OSCP1: variants seen among roughly 807,000 people sequenced by gnomAD.
The protein encoded by OSCP1 is protein OSCP1.
In OSCP1, 35 loss-of-function variants were observed where a neutral mutation model predicts 45.1. The ratio of observed to expected loss-of-function variants is 0.78; its 90% CI spans 0.59 to 1.03. The LOEUF (loss-of-function observed/expected upper bound fraction) is 1.03. OSCP1 is among the 50% of genes least tolerant of loss of function. The pLI, the probability that OSCP1 is intolerant of heterozygous loss-of-function variation, is 0.00. For synonymous variants in OSCP1, 179 were observed against 180.1 expected (o/e 0.99, Z 0.05); for missense variants, 400 against 470.7 (o/e 0.85, Z 1.39).
intron 2 of OSCP1, 101 bp downstream of exon 2, chr1:36,438,655 A>G (rs1018399090): frequency 5.8e-6 from 8 of 1,384,426 alleles, no homozygotes; most frequent in Non-Finnish European, 7.7e-6. Flanking sequence ...TGTTTCTTGC[A>G]AGGACCATTG....
At chr1:36,426,775 G>A (rs980803902) in intron 4 of OSCP1, among the ~76,000 whole-genome samples, 4 of 152,052 alleles carry the variant, frequency 2.6e-5, no homozygotes, top group African/African-American at 4.8e-5. Context: ...GTGCGATCTC[G>A]GCTCACTGCA....
chr1:36,419,087 A>C lies in OSCP1; in HGVS notation c.960-33T>G, dbSNP rs373663686. 4 of 1,571,454 alleles carry C rather than the reference A, an allele frequency of 2.5e-6. No homozygotes were observed. In the African/African-American group the frequency reaches 5.4e-5, roughly 21 times the overall value. On this transcript the variant is annotated intron_variant, in intron 8 of 9. Coordinates refer to ENST00000235532, the MANE Select transcript of OSCP1 (RefSeq NM_145047.5). ...AGATGGTAAAGAAAATGGGTGCAAC[A>C]TTAGGGTTCTTTCCCTGCCAGCATG... is the stretch of plus-strand genomic sequence containing the variant.
chr1:36,439,258 C>G (rs1378104521), intron 1 of OSCP1, among the ~76,000 whole-genome samples: 1 of 152,196 alleles, frequency 6.6e-6, no homozygotes, highest in Non-Finnish European at 1.5e-5. Context: ...TGGTGGCTCA[C>G]GCCTATAATC....
At chr1:36,432,368 AG>A in intron 3 of OSCP1, 53 bp downstream of exon 3, 1 of 1,581,770 alleles carries the variant, frequency 6.3e-7, no homozygotes, top group African/African-American at 1.3e-5. Flanking sequence ...TTCTTAACAG[AG>A]GGATGAGAAA....
At chr1:36,427,000 C>T (rs930530547) in intron 4 of OSCP1, among the ~76,000 whole-genome samples, 12 of 149,068 alleles carry the variant, frequency 8.1e-5, no homozygotes, top group African/African-American at 2.7e-4. Context: ...GCCATGGTGC[C>T]TGGCCTCTTT....
At chr1:36,431,229 A>C (rs1377027933) in intron 4 of OSCP1, among the ~76,000 whole-genome samples, 1 of 152,182 alleles carries the variant, frequency 6.6e-6, no homozygotes, top group Non-Finnish European at 1.5e-5. Flanking sequence ...GGTTAGACTC[A>C]GGAGTCACAG....
rs146736928 is a variant in OSCP1, at chr1:36,445,674, C to T, written c.112+4584G>A. 8.6e-3 allele frequency among the ~76,000 whole-genome samples: 1,314 copies of T among 152,318 alleles called. 10 individuals are homozygous for T. Among genetic ancestry groups the T allele is most frequent in the Middle Eastern group, 0.02 (6 of 294 alleles). ...GTTTGGCAGATACTGTTTTCTTTGG[C>T]ACAATGTCCACATCTATCTTTCTGT... On this transcript the variant is annotated intron_variant, in intron 1 of 9. Transcript: ENST00000235532.
chr1:36,437,590 C>T (rs1648832127), intron 2 of OSCP1, among the ~76,000 whole-genome samples: 1 of 152,164 alleles, frequency 6.6e-6, no homozygotes, highest in Non-Finnish European at 1.5e-5. Context: ...GTGATCTCAT[C>T]TCACTGCAAC....
rs762227343 is a variant in OSCP1 at position 36,421,225 on chromosome 1, TTCC to T, written c.820-613_820-611del. 3.9e-5 allele frequency among the ~76,000 whole-genome samples: 6 copies of T among 152,094 alleles called. No homozygotes were observed. The East Asian group carries it at 1.2e-3, about 29-fold the overall frequency. On this transcript the variant is annotated intron_variant, in intron 7 of 9. Transcript: ENST00000235532. ...ACAAAGCCCAAATTGTTTACCACCC[TTCC>T]TGGTCAGGCCCCAGGGTCCTGTCCA...
chr1:36,422,722 G>A (rs774546848), intron 6 of OSCP1, 46 bp downstream of exon 6: 1 of 1,402,408 alleles, frequency 7.1e-7, no homozygotes, highest in South Asian at 1.6e-5. Flanking sequence ...TTTAAATGAA[G>A]TGACCTCCCT....
At chr1:36,440,313 G>T (rs535433411) in intron 1 of OSCP1, among the ~76,000 whole-genome samples, 32 of 152,304 alleles carry the variant, frequency 2.1e-4, no homozygotes, top group African/African-American at 7.0e-4. Context: ...ATGGGGGAAG[G>T]GGGAGCTGAG....
At chr1:36,423,511 A>G in intron 4 of OSCP1, 45 bp from the exon 5 acceptor site, 1 of 1,434,356 alleles carries the variant, frequency 7.0e-7, no homozygotes, top group Non-Finnish European at 9.7e-7. Flanking sequence ...GTATATTTTC[A>G]TAGACATCAA....
intron 2 of OSCP1, among the ~76,000 whole-genome samples, chr1:36,434,986 G>A (rs1466669678): frequency 2.6e-5 from 4 of 151,914 alleles, no homozygotes; most frequent in African/African-American, 9.7e-5. Flanking sequence ...GGGTCTCACA[G>A]CTAGTAACTG....
At chr1:36,443,713 C>T (rs997662866) in intron 1 of OSCP1, among the ~76,000 whole-genome samples, 11 of 152,276 alleles carry the variant, frequency 7.2e-5, no homozygotes, top group Admixed American at 7.2e-4. Flanking sequence ...ATGGCTATTG[C>T]CCCAGCTGTC....
At chr1:36,434,068 C>T (rs572132966) in intron 2 of OSCP1, among the ~76,000 whole-genome samples, 1 of 151,746 alleles carries the variant, frequency 6.6e-6, no homozygotes, top group South Asian at 2.1e-4. Context: ...CAGCCTAGTG[C>T]GGGTGGGGAG....
chr1:36,442,269 T>A (rs1326077413), intron 1 of OSCP1, among the ~76,000 whole-genome samples: 3 of 151,168 alleles, frequency 2.0e-5, no homozygotes, highest in African/African-American at 7.3e-5. Context: ...GGGAAGGGAT[T>A]TTTCACAGGA....
intron 5 of OSCP1, 26 bp downstream of exon 5, chr1:36,423,337 A>T (rs762232404): frequency 2.6e-6 from 4 of 1,547,984 alleles, no homozygotes; most frequent in Non-Finnish European, 3.6e-6. Context: ...CCCCAAACAT[A>T]GCTCTGATCA....
chr1:36,422,545 A>T (rs1363194412), intron 6 of OSCP1, among the ~76,000 whole-genome samples: 1 of 152,160 alleles, frequency 6.6e-6, no homozygotes, highest in African/African-American at 2.4e-5. Context: ...TTGCATGGCT[A>T]TTGAACATCA....
intron 2 of OSCP1, among the ~76,000 whole-genome samples, chr1:36,437,558 G>A (rs61772387): frequency 0.18 from 28,057 of 151,910 alleles, 2,810 homozygotes; most frequent in East Asian, 0.26. Flanking sequence ...CTACTCTGTC[G>A]CCCAGGCTGG....
Sources: gnomAD v4.1 joint callset for allele counts (sites outside exome capture counted in the v4.1 genomes callset) on GRCh38, gnomAD v4.1.1 for gene constraint, MANE v1.5 for transcripts, NCBI Gene and HGNC (gene_info 2026-07-23, HGNC 2026-07-21) for gene names.